Variants in NELL2 observed in about 807,000 individuals in gnomAD.
The protein encoded by NELL2 is neural EGFL like 2.
In NELL2, 41 loss-of-function variants were observed where a neutral mutation model predicts 109.6. That is an observed-to-expected ratio of 0.37 (90% CI 0.29 to 0.49). NELL2 has a LOEUF of 0.49. NELL2 is among the 20% of genes least tolerant of loss of function. The pLI, the probability that NELL2 is intolerant of heterozygous loss-of-function variation, is 0.98. For synonymous variants in NELL2, 355 were observed against 344.7 expected, an observed-to-expected ratio of 1.03 and a Z score of -0.33; for missense variants, 900 against 1,008.3, an observed-to-expected ratio of 0.89 and a Z score of 1.45.
chr12:44,546,327 A>G (rs1014570629), intron 15 of NELL2, among the ~76,000 whole-genome samples: 1 of 152,128 alleles, frequency 6.6e-6, no homozygotes, highest in Non-Finnish European at 1.5e-5. Flanking sequence ...GATGGCTTCT[A>G]CTGGCTTTGA....
chr12:44,720,362 G>A (rs1173267104), intron 9 of NELL2, among the ~76,000 whole-genome samples: 1 of 152,124 alleles, frequency 6.6e-6, no homozygotes. Flanking sequence ...TAAGTGAACT[G>A]AAACCTCATT....
At chr12:44,529,526 G>C (rs1592073924) in intron 16 of NELL2, among the ~76,000 whole-genome samples, 1 of 152,092 alleles carries the variant, frequency 6.6e-6, no homozygotes, top group South Asian at 2.1e-4. Flanking sequence ...GGTTGACTTA[G>C]GGATTGAGAA....
chr12:44,590,959 G>A (rs1455751943), intron 15 of NELL2, among the ~76,000 whole-genome samples: 1 of 150,470 alleles, frequency 6.6e-6, no homozygotes, highest in East Asian at 1.9e-4. Flanking sequence ...AAAATAAAGG[G>A]CAAAGGATCT....
chr12:44,819,356 G>T (rs566040015), intron 2 of NELL2, among the ~76,000 whole-genome samples: 1 of 152,314 alleles, frequency 6.6e-6, no homozygotes, highest in South Asian at 2.1e-4. Flanking sequence ...ATACAGGTTA[G>T]ATTTCACATA....
chr12:44,797,265 G>A (rs116355296), intron 3 of NELL2, among the ~76,000 whole-genome samples: 2,198 of 152,212 alleles, frequency 0.014, 52 homozygotes, highest in African/African-American at 0.05. Flanking sequence ...AAAGGGTTCA[G>A]AGAAGTGGCA....
In NELL2 at chr12:44,804,140, T is replaced by C. The variant is rs558459463; in HGVS notation, c.335+11846A>G. 2.0e-5 allele frequency among the ~76,000 whole-genome samples: 3 copies of C among 152,084 alleles called. No homozygotes were observed. In the South Asian group the frequency reaches 6.2e-4, roughly 32 times the overall value. ...AATAATTGATATATTCTATGATGCA[T>C]TCAGTATCCTCAAGAATGTGTCATC... On this transcript the variant is annotated intron_variant, in intron 3 of 19. Transcript: ENST00000429094.
chr12:44,668,191 T>C (rs893720004), intron 12 of NELL2, among the ~76,000 whole-genome samples: 1 of 152,048 alleles, frequency 6.6e-6, no homozygotes, highest in Non-Finnish European at 1.5e-5. Flanking sequence ...GTCCACACAA[T>C]GTCCTACACA....
At chr12:44,620,337 G>A (rs536599114) in intron 13 of NELL2, among the ~76,000 whole-genome samples, 4 of 152,090 alleles carry the variant, frequency 2.6e-5, no homozygotes, top group African/African-American at 9.6e-5. Flanking sequence ...CAAAATGACT[G>A]GCACAAAATT....
At chr12:44,632,023 GCCAATCAAT>G (rs1946475136) in intron 13 of NELL2, among the ~76,000 whole-genome samples, 1 of 151,896 alleles carries the variant, frequency 6.6e-6, no homozygotes, top group Admixed American at 6.6e-5. Flanking sequence ...TTTAACACTG[GCCAATCAAT>G]CCATGAAATT....
At chr12:44,510,175 C>A (rs970353506) in intron 19 of NELL2, among the ~76,000 whole-genome samples, 1 of 152,142 alleles carries the variant, frequency 6.6e-6, no homozygotes, top group Admixed American at 6.5e-5. Context: ...TTTTTAAAAC[C>A]GTGATGATGA....
chr12:44,714,645 C>T lies in NELL2; in HGVS notation c.1086+5G>A. On this transcript the variant is annotated splice_donor_5th_base_variant and intron_variant, in intron 10 of 19. Coordinates refer to ENST00000429094, the MANE Select transcript of NELL2 (RefSeq NM_001145108.2). ...TTTTGAAAGACCCACGAATAGTCTT[C>T]TTACCTTGCACTCATAGAGAACACA... 1 of 1,552,834 alleles carries T rather than the reference C, an allele frequency of 6.4e-7. No homozygotes were observed. Among genetic ancestry groups the T allele is most frequent in the Non-Finnish European group, 8.7e-7 (1 of 1,147,882 alleles).
intron 1 of NELL2, among the ~76,000 whole-genome samples, chr12:44,882,479 TAC>T (rs1945424856): frequency 1.3e-5 from 2 of 151,492 alleles, no homozygotes; most frequent in East Asian, 1.9e-4. Context: ...TGTGTATATA[TAC>T]ATACACACAC....
chr12:44,617,691 CAA>C (rs975070930), intron 13 of NELL2, among the ~76,000 whole-genome samples: 6 of 22,388 alleles, frequency 2.7e-4, no homozygotes, highest in East Asian at 2.7e-3. Flanking sequence ...GACTCCGTCT[CAA>C]AAAAAAAAAA....
intron 3 of NELL2, among the ~76,000 whole-genome samples, chr12:44,783,985 G>A (rs571475719): frequency 6.6e-6 from 1 of 151,946 alleles, no homozygotes; most frequent in Non-Finnish European, 1.5e-5. Context: ...TAATCAAGTG[G>A]GGTTTATTCC....
chr12:44,727,372 C>T lies in NELL2; in HGVS notation c.995-12631G>A, dbSNP rs75927417. ...GGAGTTTTTACTATAAATCTCAATC[C>T]TAGATAATCCCACTCAGTAATGCAC... On this transcript the variant is annotated intron_variant, in intron 9 of 19. Coordinates refer to ENST00000429094, the MANE Select transcript of NELL2 (RefSeq NM_001145108.2). Among the ~76,000 whole-genome samples, 44 of 152,084 alleles carry T rather than the reference C, an allele frequency of 2.9e-4. 1 individual carries two copies. The East Asian group carries it at 7.7e-3, about 27-fold the overall frequency.
At chr12:44,545,220 A>G (rs1942743665) in intron 15 of NELL2, among the ~76,000 whole-genome samples, 1 of 152,100 alleles carries the variant, frequency 6.6e-6, no homozygotes, top group Non-Finnish European at 1.5e-5. Flanking sequence ...ACTTTTCAAA[A>G]ATCTTTGCAG....
At chr12:44,547,497 T>G (rs1353828526) in intron 15 of NELL2, among the ~76,000 whole-genome samples, 1 of 152,264 alleles carries the variant, frequency 6.6e-6, no homozygotes, top group Non-Finnish European at 1.5e-5. Flanking sequence ...TACTCATGAA[T>G]AAGATAGCAG....
At chr12:44,797,345 G>A (rs1308490761) in intron 3 of NELL2, among the ~76,000 whole-genome samples, 1 of 152,078 alleles carries the variant, frequency 6.6e-6, no homozygotes, top group Non-Finnish European at 1.5e-5. Context: ...CTGTTGTAAG[G>A]TTGGGGACCC....
At chr12:44,761,930 T>C (rs550988105) in intron 9 of NELL2, among the ~76,000 whole-genome samples, 27 of 152,306 alleles carry the variant, frequency 1.8e-4, no homozygotes, top group African/African-American at 6.0e-4. Flanking sequence ...CTGGGTATCA[T>C]GTTCAGTATT....
Sources: allele counts gnomAD v4.1 joint callset (sites outside exome capture counted in the v4.1 genomes callset), GRCh38; gene constraint gnomAD v4.1.1; transcripts MANE v1.5; gene names NCBI Gene and HGNC (gene_info 2026-07-23, HGNC 2026-07-21).